Variants in TMEM200A observed in about 807,000 individuals in gnomAD.
The protein encoded by TMEM200A is transmembrane protein 200A.
A neutral mutation model predicts 24.3 loss-of-function variants in TMEM200A; 12 were observed. The observed-to-expected ratio is 0.49, with a 90% CI of 0.32 to 0.80. TMEM200A has a LOEUF of 0.80. Among genes scored for constraint, TMEM200A ranks in the 30% least tolerant of loss-of-function variants. TMEM200A has a pLI of 0.04. For missense variants in TMEM200A, 545 were observed against 614.4 expected, an observed-to-expected ratio of 0.89 and a Z score of 1.19; for synonymous variants, 224 against 224.4, an observed-to-expected ratio of 1.00 and a Z score of 0.02.
intron 2 of TMEM200A, among the ~76,000 whole-genome samples, chr6:130,407,504 T>C (rs909546856): frequency 6.6e-6 from 1 of 152,244 alleles, no homozygotes; most frequent in Admixed American, 6.5e-5. Context: ...AACCAAAACC[T>C]TTGTTGCCTC....
chr6:130,397,382 C>T (rs1209139436), intron 2 of TMEM200A, among the ~76,000 whole-genome samples: 5 of 151,950 alleles, frequency 3.3e-5, no homozygotes, highest in Non-Finnish European at 5.9e-5. Flanking sequence ...TAACTTAGTC[C>T]ATTTTTGCTT....
chr6:130,376,196 A>G (rs994227686), intron 1 of TMEM200A, among the ~76,000 whole-genome samples: 9 of 152,218 alleles, frequency 5.9e-5, no homozygotes, highest in African/African-American at 2.2e-4. Flanking sequence ...AAGAAAAAAA[A>G]TTAACCTCGG....
intron 2 of TMEM200A, among the ~76,000 whole-genome samples, chr6:130,439,859 A>C (rs992250020): frequency 1.3e-5 from 2 of 152,190 alleles, no homozygotes; most frequent in Non-Finnish European, 2.9e-5. Context: ...TAAATGTGGC[A>C]GCTAAGAATT....
At position 130,380,148 on chromosome 6, in the gene TMEM200A, C is replaced by A. The variant is rs373310020; in HGVS notation, c.-80-5025C>A. 3.6e-4 allele frequency among the ~76,000 whole-genome samples: 54 copies of A among 152,012 alleles called. No homozygotes were observed. In the South Asian group the frequency reaches 9.4e-3, roughly 26 times the overall value. ...AATGGGATTAAAAGTTACTGAAAAT[C>A]TTTTTTTTGAATTTCATGTCATAGT... On this transcript the variant is annotated intron_variant, in intron 1 of 2. Transcript: ENST00000296978.
At chr6:130,419,952 G>C (rs1779543638) in intron 2 of TMEM200A, among the ~76,000 whole-genome samples, 2 of 152,156 alleles carry the variant, frequency 1.3e-5, no homozygotes, top group South Asian at 4.1e-4. Context: ...GTGGAAGGTG[G>C]TGCTACACAT....
intron 2 of TMEM200A, among the ~76,000 whole-genome samples, chr6:130,407,616 C>T (rs1301800441): frequency 1.3e-5 from 2 of 152,166 alleles, no homozygotes; most frequent in African/African-American, 4.8e-5. Context: ...ATCATAAATG[C>T]TTACTATGTT....
chr6:130,389,118 C>G, intron 2 of TMEM200A, among the ~76,000 whole-genome samples: 1 of 152,092 alleles, frequency 6.6e-6, no homozygotes, highest in East Asian at 1.9e-4. Flanking sequence ...TAGATTCGAA[C>G]TATAGATTGT....
chr6:130,378,648 G>C (rs547377863), intron 1 of TMEM200A, among the ~76,000 whole-genome samples: 1 of 150,934 alleles, frequency 6.6e-6, no homozygotes, highest in Non-Finnish European at 1.5e-5. Flanking sequence ...ACTTGAACCC[G>C]AGAGGTGGAT....
At chr6:130,370,141 A>G (rs1248123551) in intron 1 of TMEM200A, among the ~76,000 whole-genome samples, 2 of 152,140 alleles carry the variant, frequency 1.3e-5, no homozygotes, top group Admixed American at 1.3e-4. Context: ...TCTCTGGGTC[A>G]GCTGTATTCT....
At chr6:130,365,772 G>A (rs1274433689), upstream of TMEM200A, 1 of 985,482 alleles carries the variant, frequency 1.0e-6, no homozygotes, top group East Asian at 1.1e-4. Context: ...TTGGGCTCTC[G>A]AAGTGCAACT....
chr6:130,397,405 A>C (rs1270672257), intron 2 of TMEM200A, among the ~76,000 whole-genome samples: 1 of 152,000 alleles, frequency 6.6e-6, no homozygotes, highest in Admixed American at 6.6e-5. Context: ...TATATTTTAA[A>C]CTCATGTTGT....
intron 2 of TMEM200A, among the ~76,000 whole-genome samples, chr6:130,417,176 TGG>T (rs1165629067): frequency 6.6e-6 from 1 of 152,172 alleles, no homozygotes; most frequent in Non-Finnish European, 1.5e-5. Flanking sequence ...ATTTTATCCC[TGG>T]GCCCCTGGCA....
At chr6:130,390,388 C>A (rs1249816822) in intron 2 of TMEM200A, among the ~76,000 whole-genome samples, 1 of 152,192 alleles carries the variant, frequency 6.6e-6, no homozygotes, top group Non-Finnish European at 1.5e-5. Context: ...ACCATATCAT[C>A]TGAATGTAAC....
chr6:130,429,157 TA>T (rs200746483), intron 2 of TMEM200A, among the ~76,000 whole-genome samples: 42 of 152,128 alleles, frequency 2.8e-4, no homozygotes, highest in Non-Finnish European at 5.4e-4. Flanking sequence ...TAACTGGATT[TA>T]AAAAAATCAA....
At position 130,442,638 on chromosome 6, in the gene TMEM200A, C is replaced by T. The variant is rs550509435; in HGVS notation, c.*740C>T. 1 of 166,664 alleles carries T rather than the reference C, an allele frequency of 6.0e-6. No individual in the cohort carries two copies. The highest frequency in any genetic ancestry group is 1.5e-5 in the Non-Finnish European group (1 of 68,072). 10.3% of individuals were successfully genotyped at this position (166,664 alleles called of 1,614,324 possible). On this transcript the variant is annotated 3_prime_UTR_variant, in exon 3 of 3. Coordinates refer to ENST00000296978, the MANE Select transcript of TMEM200A (RefSeq NM_001258277.2). The stretch of plus-strand genomic sequence containing the variant: ...TTTATTTGCAAGCTGACTTGATAAA[C>T]TAAATGAACCAATAAAATTTGTAGA...
intron 2 of TMEM200A, among the ~76,000 whole-genome samples, chr6:130,397,168 A>G (rs555208543): frequency 9.2e-5 from 14 of 152,134 alleles, no homozygotes; most frequent in South Asian, 2.1e-4. Flanking sequence ...AACTATTAAT[A>G]ATTCATTTTC....
rs1416618515 is a variant in TMEM200A at position 130,440,763 on chromosome 6, G to A, written c.341G>A (p.Arg114His). The part of the protein sequence containing the change: ...VIRNEGGVVV[R>H]FFEQHLHSDK... ...CGGAATGAAGGCGGTGTGGTGGTTC[G>A]CTTCTTTGAGCAGCATTTGCATTCT... Residue 114 changes from arginine to histidine, a missense_variant, in exon 3 of 3, where the codon CGC becomes CAC. By Grantham distance (29) the Arg-to-His change is conservative. Transcript: ENST00000296978. 48 of 1,613,696 alleles carry A rather than the reference G, an allele frequency of 3.0e-5. No individual in the cohort carries two copies. Among genetic ancestry groups the A allele is most frequent in the Non-Finnish European group, 3.8e-5 (45 of 1,179,940 alleles).
rs151054316 is a variant in TMEM200A at position 130,442,914 on chromosome 6, T to TA, written c.*1017dup. Reference sequence around the variant, plus strand: ...ACTATCTCGGTAGTTCAAAAAAATTTAGTTCTTGATAAATTGCCTTGAAGT... The same window carrying TA: ...ACTATCTCGGTAGTTCAAAAAAATTTAAGTTCTTGATAAATTGCCTTGAAGT... On this transcript the variant is annotated 3_prime_UTR_variant, in exon 3 of 3. Transcript: ENST00000296978. 0.073 allele frequency: 12,227 copies of TA among 167,066 alleles called. 733 individuals carry two copies. Among genetic ancestry groups the TA allele is most frequent in the East Asian group, 0.28 (1,462 of 5,158 alleles). 10.3% of individuals were successfully genotyped at this position (167,066 alleles called of 1,614,324 possible). A position where few individuals can be genotyped will look rare whatever the true frequency, so the allele number is the denominator to read the frequency against.
intron 2 of TMEM200A, among the ~76,000 whole-genome samples, chr6:130,429,883 AC>A (rs1295892347): frequency 6.6e-6 from 1 of 152,164 alleles, no homozygotes; most frequent in African/African-American, 2.4e-5. Flanking sequence ...CGTAAAAAAA[AC>A]GTGTATAAAT....
Sources: gnomAD v4.1 joint callset for allele counts (sites outside exome capture counted in the v4.1 genomes callset) on GRCh38, gnomAD v4.1.1 for gene constraint, MANE v1.5 for transcripts, NCBI Gene and HGNC (gene_info 2026-07-23, HGNC 2026-07-21) for gene names.